LAMA1: variants seen among roughly 807,000 people sequenced by gnomAD.
LAMA1 encodes laminin subunit alpha 1.
Under a neutral mutation model 348.7 loss-of-function variants are expected in LAMA1, and 219 were observed. That is an observed-to-expected ratio of 0.63 (90% CI 0.56 to 0.70). The LOEUF is 0.70. LAMA1 is among the 30% of genes least tolerant of loss of function. LAMA1 has a pLI of 0.00. For synonymous variants in LAMA1, 1,487 were observed against 1,491.0 expected, an observed-to-expected ratio of 1.00 and a Z score of 0.06; for missense variants, 3,744 against 3,888.0, an observed-to-expected ratio of 0.96 and a Z score of 0.99.
chr18:6,950,675 G>T, intron 58 of LAMA1, 107 bp downstream of exon 58: 1 of 1,271,530 alleles, frequency 7.9e-7, no homozygotes, highest in Non-Finnish European at 1.1e-6. Flanking sequence ...CACACACGGC[G>T]AGATAGAGAT....
Position 6,965,369 on chromosome 18 carries a change from C to T in LAMA1, c.7114G>A (p.Gly2372Arg). 6.2e-7 allele frequency: 1 copy of T among 1,614,158 alleles called. No homozygotes were observed. The highest frequency in any genetic ancestry group is 8.5e-7 in the Non-Finnish European group (1 of 1,180,028). The change falls in exon 50 of 63, where the codon GGA becomes AGA. Residue 2372 changes from glycine to arginine, a missense_variant. This residue lies in a region of LAMA1 where 1,983 missense variants were observed against 1,934.3 expected (regional missense o/e 1.03). Transcript: ENST00000389658. ...CTGTCTGTCAAAAGGGTAATGGGTC[C>T]TGAACCCAGGTCAGTCATAACCTTC... is the stretch of plus-strand genomic sequence containing the variant. ...RVKVMTDLGS[G>R]PITLLTDRRY...
Position 6,961,760 on chromosome 18 carries a change from C to T in LAMA1, c.7453-1G>A. On this transcript the variant is annotated splice_acceptor_variant, in intron 52 of 62. Coordinates refer to ENST00000389658, the MANE Select transcript of LAMA1 (RefSeq NM_005559.4). LOFTEE classifies it high-confidence loss of function. The stretch of plus-strand genomic sequence containing the variant: ...TCAGGAAGCTAACACTCCGGATGGG[C>T]TGGACACAGAGGAGATGGAACAGCA... 10 of 1,614,092 alleles carry T rather than the reference C, an allele frequency of 6.2e-6. No homozygotes were observed. Among genetic ancestry groups the T allele is most frequent in the Non-Finnish European group, 8.5e-6 (10 of 1,179,998 alleles).
At chr18:7,039,146 A>G (rs1259762108) in intron 10 of LAMA1, among the ~76,000 whole-genome samples, 196 bp from the exon 11 acceptor site, 1 of 152,216 alleles carries the variant, frequency 6.6e-6, no homozygotes, top group Non-Finnish European at 1.5e-5. Flanking sequence ...TTTGTACTCA[A>G]GAACAAGGCT....
chr18:6,942,614 A>T (rs2057504092), intron 62 of LAMA1, among the ~76,000 whole-genome samples: 1 of 151,672 alleles, frequency 6.6e-6, no homozygotes, highest in African/African-American at 2.4e-5. Flanking sequence ...GGGTTTCACC[A>T]TGTTGGCCAG....
chr18:6,945,369 A>G (rs543062260), intron 61 of LAMA1, among the ~76,000 whole-genome samples: 15 of 152,294 alleles, frequency 9.8e-5, no homozygotes, highest in South Asian at 2.1e-4. Context: ...AAGGTCAGAC[A>G]TGACCTTTCA....
chr18:7,049,180 T>C lies in LAMA1; in HGVS notation c.666A>G (p.Arg222=). The change falls in exon 5 of 63, where the codon CGA becomes CGG. Residue 222 remains arginine, a synonymous_variant. Coordinates refer to ENST00000389658, the MANE Select transcript of LAMA1 (RefSeq NM_005559.4). ...SPKLLEFTSA[R]YIRLRLQRIR... is the part of the protein sequence containing the mutation. Reference sequence around the variant, plus strand: ...TGCGTTGCAAGCGAAGGCGAATATATCGTGCAGAAGTGAATTCCAACAACT... The same window carrying C: ...TGCGTTGCAAGCGAAGGCGAATATACCGTGCAGAAGTGAATTCCAACAACT... The C allele has an allele frequency of 1.2e-6, 2 of 1,614,228 alleles. No individual in the cohort carries two copies. Among genetic ancestry groups the C allele is most frequent in the South Asian group, 2.2e-5 (2 of 91,084 alleles).
At chr18:7,083,860 C>T (rs1481840560) in intron 1 of LAMA1, among the ~76,000 whole-genome samples, 1 of 151,916 alleles carries the variant, frequency 6.6e-6, no homozygotes, top group Non-Finnish European at 1.5e-5. Context: ...CACTTGAGGT[C>T]AGGAGTTCGA....
In LAMA1 at chr18:6,942,117, C is replaced by T. The variant is rs532906078; in HGVS notation, c.9190G>A (p.Gly3064Arg). The change falls in exon 63 of 63, where the codon GGA becomes AGA. Residue 3064 changes from glycine to arginine, a missense_variant. Around this residue, in one of 3 missense-constraint regions of LAMA1, gnomAD observed 232 missense variants for 264.4 expected, o/e 0.88. Transcript: ENST00000389658. ...CCAGGACAGGAATGAAGGAAAACTC[C>T]GTGCAGTTCGAACGCTCTGCTGAAG... ...FDFSRAFELHGVFLHSCPGTE... is the reference protein window; with the variant it reads ...FDFSRAFELHRVFLHSCPGTE... The T allele has an allele frequency of 1.3e-5, 21 of 1,614,164 alleles. 1 individual carries two copies. The highest frequency in any genetic ancestry group is 1.7e-4 in the Middle Eastern group (1 of 6,060).
intron 44 of LAMA1, 36 bp downstream of exon 44, chr18:6,977,691 A>G (rs1193691267): frequency 1.9e-6 from 3 of 1,612,782 alleles, no homozygotes; most frequent in African/African-American, 2.7e-5. Context: ...CATGACTGAG[A>G]GCCCAGTTAC....
At chr18:7,114,060 G>C (rs1321262573) in intron 1 of LAMA1, among the ~76,000 whole-genome samples, 2 of 141,236 alleles carry the variant, frequency 1.4e-5, no homozygotes, top group Admixed American at 7.7e-5. Context: ...CTGGGCGACA[G>C]AGCGAGACTC....
intron 61 of LAMA1, among the ~76,000 whole-genome samples, chr18:6,946,224 GATGACCTTCC>G (rs1399272928): frequency 6.6e-6 from 1 of 152,058 alleles, no homozygotes; most frequent in Non-Finnish European, 1.5e-5. Flanking sequence ...CAACCACCCA[GATGACCTTCC>G]CAAGATCAGG....
At chr18:7,070,671 G>A (rs1171951789) in intron 3 of LAMA1, among the ~76,000 whole-genome samples, 1 of 152,070 alleles carries the variant, frequency 6.6e-6, no homozygotes, top group African/African-American at 2.4e-5. Flanking sequence ...CCACAACAAA[G>A]TGCTACTTCC....
intron 18 of LAMA1, 53 bp from the exon 19 acceptor site, chr18:7,023,428 A>G: frequency 6.9e-7 from 1 of 1,452,328 alleles, no homozygotes; most frequent in Non-Finnish European, 9.7e-7. Flanking sequence ...TTAAGGCCTT[A>G]CCGCACTATC....
At position 6,961,590 on chromosome 18, in the gene LAMA1, T is replaced by C; in HGVS notation, c.7622A>G (p.His2541Arg). 6.2e-7 allele frequency: 1 copy of C among 1,613,380 alleles called. No individual in the cohort carries two copies. Among genetic ancestry groups the C allele is most frequent in the Non-Finnish European group, 8.5e-7 (1 of 1,180,024 alleles). ...AGGAGCACTGGCCCTACTCACCACGTGTGCTTCCTCACGATCACCCCGCTT... is the reference window on the plus strand; with the variant it reads ...AGGAGCACTGGCCCTACTCACCACGCGTGCTTCCTCACGATCACCCCGCTT... ...VEKRGDREEAHVPFFSVMLIG... is the reference protein window; with the variant it reads ...VEKRGDREEARVPFFSVMLIG... The change falls in exon 53 of 63, where the codon CAC becomes CGC. Residue 2541 changes from histidine (H) to arginine (R), a missense_variant. His to Arg is a conservative substitution (Grantham distance 29). Transcript: ENST00000389658.
chr18:7,027,236 G>A (rs1278343061), intron 16 of LAMA1, among the ~76,000 whole-genome samples: 1 of 152,120 alleles, frequency 6.6e-6, no homozygotes, highest in Non-Finnish European at 1.5e-5. Context: ...AAGTTGATAA[G>A]TGTACTATGG....
At chr18:7,109,037 T>C (rs1366726520) in intron 1 of LAMA1, among the ~76,000 whole-genome samples, 1 of 152,194 alleles carries the variant, frequency 6.6e-6, no homozygotes, top group African/African-American at 2.4e-5. Context: ...CTGGAAAGGT[T>C]CTTGTGCCTC....
rs773457070 is a variant in LAMA1, at chr18:6,955,368, G to C, written c.8192C>G (p.Ser2731Trp). 1.9e-6 allele frequency: 3 copies of C among 1,613,674 alleles called. No homozygotes were observed. Among genetic ancestry groups the C allele is most frequent in the African/African-American group, 1.3e-5 (1 of 74,900 alleles). Residue 2731 changes from serine to tryptophan, a missense_variant, in exon 57 of 63, where the codon TCG (serine) becomes TGG (tryptophan). Physicochemically the swap from Ser to Trp is radical, Grantham distance 177. Coordinates refer to ENST00000389658, the MANE Select transcript of LAMA1 (RefSeq NM_005559.4). ...TGATACCTACTTCTTTCTGACAGCCGACTGATTAAAAGGCAAGATGAAATG... is the reference window on the plus strand; with the variant it reads ...TGATACCTACTTCTTTCTGACAGCCCACTGATTAAAAGGCAAGATGAAATG... Reference protein sequence around the residue: ...NSHFILPFNQSAVRKKLSVEL... With the variant: ...NSHFILPFNQWAVRKKLSVEL...
chr18:6,972,987 G>C, intron 47 of LAMA1, 70 bp downstream of exon 47: 1 of 1,572,728 alleles, frequency 6.4e-7, no homozygotes, highest in Non-Finnish European at 8.7e-7. Context: ...CACCACGCCC[G>C]GCCCATGACT....
intron 1 of LAMA1, among the ~76,000 whole-genome samples, chr18:7,111,732 G>T (rs928551423): frequency 6.6e-5 from 10 of 152,316 alleles, no homozygotes; most frequent in Non-Finnish European, 5.9e-5. Flanking sequence ...ACAAGTAAAA[G>T]AATTATTTGC....
Sources: allele counts gnomAD v4.1 joint callset (sites outside exome capture counted in the v4.1 genomes callset), GRCh38; gene constraint gnomAD v4.1.1; regional missense constraint gnomAD v4.1.1; transcripts MANE v1.5; gene names NCBI Gene and HGNC (gene_info 2026-07-23, HGNC 2026-07-21).